The following EVC2 variants were observed in gnomAD, a reference collection of about 807,000 sequenced individuals.
The protein encoded by EVC2 is limbin.
In EVC2, 148 loss-of-function variants were observed where a neutral mutation model predicts 149.3. The observed-to-expected ratio is 0.99, with a 90% CI of 0.87 to 1.14. The LOEUF (loss-of-function observed/expected upper bound fraction) is 1.14. Ranked by LOEUF, EVC2 falls within the 50% of genes most tolerant of loss-of-function variation. The pLI, the probability that EVC2 is intolerant of heterozygous loss-of-function variation, is 0.00. For synonymous variants in EVC2, 776 were observed against 649.9 expected, an observed-to-expected ratio of 1.19 and a Z score of -2.95; for missense variants, 1,854 against 1,627.3, an observed-to-expected ratio of 1.14 and a Z score of -2.40.
intron 12 of EVC2, among the ~76,000 whole-genome samples, chr4:5,626,157 C>G (rs895038433): frequency 6.6e-6 from 1 of 152,092 alleles, no homozygotes; most frequent in Non-Finnish European, 1.5e-5. Flanking sequence ...AAGAAAGTAA[C>G]ATTCGAGAGG....
intron 16 of EVC2, among the ~76,000 whole-genome samples, chr4:5,596,044 T>C (rs1167883805): frequency 6.6e-6 from 1 of 152,178 alleles, no homozygotes; most frequent in Non-Finnish European, 1.5e-5. Context: ...ATGCACCCAA[T>C]ACTGGAGCAC....
chr4:5,705,540 ATT>A (rs144005066), intron 1 of EVC2, among the ~76,000 whole-genome samples: 7 of 151,504 alleles, frequency 4.6e-5, no homozygotes, highest in Admixed American at 2.0e-4. Flanking sequence ...CATAAATAGC[ATT>A]TTTTTTTGAA....
chr4:5,652,780 C>G (rs1191414019), intron 9 of EVC2, among the ~76,000 whole-genome samples: 5 of 152,114 alleles, frequency 3.3e-5, no homozygotes, highest in Non-Finnish European at 1.5e-5. Flanking sequence ...TCAGAATGAC[C>G]AGAATGATTT....
intron 9 of EVC2, among the ~76,000 whole-genome samples, chr4:5,658,899 A>G (rs1033513336): frequency 3.3e-5 from 5 of 152,176 alleles, no homozygotes; most frequent in Admixed American, 6.5e-5. Context: ...TGCCCCTAGA[A>G]GCTTCCAGGA....
At chr4:5,707,154 T>C (rs549071899) in intron 1 of EVC2, among the ~76,000 whole-genome samples, 1 of 152,242 alleles carries the variant, frequency 6.6e-6, no homozygotes, top group African/African-American at 2.4e-5. Flanking sequence ...TTTTGTCACC[T>C]GCAAAACGGG....
intron 21 of EVC2, among the ~76,000 whole-genome samples, chr4:5,553,886 G>T (rs1173943396): frequency 6.6e-6 from 1 of 152,032 alleles, no homozygotes; most frequent in Non-Finnish European, 1.5e-5. Context: ...AAATCCCCAG[G>T]CATGCAAAGA....
intron 14 of EVC2, among the ~76,000 whole-genome samples, chr4:5,621,398 T>G (rs1013252392): frequency 6.6e-6 from 1 of 152,260 alleles, no homozygotes; most frequent in South Asian, 2.1e-4. Context: ...TTTTGTGGTC[T>G]TCATTTTACA....
intron 17 of EVC2, among the ~76,000 whole-genome samples, chr4:5,579,211 G>A (rs748652653): frequency 3.3e-5 from 5 of 152,150 alleles, no homozygotes; most frequent in African/African-American, 4.8e-5. Flanking sequence ...ATTGAGTTTA[G>A]GACAGGAACA....
intron 1 of EVC2, among the ~76,000 whole-genome samples, chr4:5,705,380 C>G (rs1722067721): frequency 6.6e-6 from 1 of 152,154 alleles, no homozygotes; most frequent in Admixed American, 6.5e-5. Context: ...GACTCCTTTA[C>G]ACATTTTCCA....
intron 8 of EVC2, 96 bp from the exon 9 acceptor site, chr4:5,663,342 G>C: frequency 6.4e-7 from 1 of 1,554,076 alleles, no homozygotes; most frequent in Non-Finnish European, 8.8e-7. Context: ...TCTGCAGTCT[G>C]AGCACCCAAT....
At position 5,657,855 on chromosome 4, in the gene EVC2, G is replaced by C. The variant is rs1157563404; in HGVS notation, c.1145+5252C>G. 6.6e-6 allele frequency among the ~76,000 whole-genome samples: 1 copy of C among 152,030 alleles called. No homozygotes were observed. Among genetic ancestry groups the C allele is most frequent in the African/African-American group, 2.4e-5 (1 of 41,390 alleles). The stretch of plus-strand genomic sequence containing the variant: ...GTAGGGAAGGCCCCTCACTGGCTCT[G>C]ATGACTCTTCAATCTCTGTGCCCTC... On this transcript the variant is annotated intron_variant, in intron 9 of 21. Transcript: ENST00000344408. This position sits in a 1 kb window ranked among gnomAD's most constrained non-coding sequence, Gnocchi z 4.7.
chr4:5,622,935 C>T lies in EVC2; in HGVS notation c.2103G>A (p.Glu701=). ...ASVGEAFRTV[E]DAGQYLHQKR... The stretch of plus-strand genomic sequence containing the variant: ...TCTGGTGCAGGTACTGGCCGGCATC[C>T]TCAACCGTTCGGAAGGCCTCGCCGA... The change falls in exon 14 of 22, where the codon GAG becomes GAA. Residue 701 remains glutamate, a synonymous_variant. Coordinates refer to ENST00000344408, the MANE Select transcript of EVC2 (RefSeq NM_147127.5). This position sits in a 1 kb window ranked among gnomAD's most constrained non-coding sequence, Gnocchi z 5.8. The T allele has an allele frequency of 6.2e-7, 1 of 1,614,148 alleles. No individual in the cohort carries two copies. The highest frequency in any genetic ancestry group is 8.5e-7 in the Non-Finnish European group (1 of 1,180,022).
Position 5,696,682 on chromosome 4 carries a change from A to G in EVC2, c.283+911T>C, listed in dbSNP as rs374055684. Reference sequence around the variant, plus strand: ...GGCTGAGAGGGAAGGAGAAAGGCAGAGCCGTAGGAGCATTGAGAACCTTGT... The same window carrying G: ...GGCTGAGAGGGAAGGAGAAAGGCAGGGCCGTAGGAGCATTGAGAACCTTGT... On this transcript the variant is annotated intron_variant, in intron 2 of 21. Transcript: ENST00000344408. This position sits in a 1 kb window ranked among gnomAD's most constrained non-coding sequence, Gnocchi z 4.1. 6.6e-6 allele frequency among the ~76,000 whole-genome samples: 1 copy of G among 152,196 alleles called. No homozygotes were observed. Among genetic ancestry groups the G allele is most frequent in the African/African-American group, 2.4e-5 (1 of 41,462 alleles).
intron 16 of EVC2, among the ~76,000 whole-genome samples, chr4:5,586,401 T>C (rs1712281501): frequency 6.6e-6 from 1 of 152,112 alleles, no homozygotes; most frequent in Non-Finnish European, 1.5e-5. Flanking sequence ...AAAATAAAAT[T>C]CTAAGCCCCC....
chr4:5,698,463 A>G (rs920415647), intron 1 of EVC2, among the ~76,000 whole-genome samples: 2 of 152,122 alleles, frequency 1.3e-5, no homozygotes, highest in Non-Finnish European at 2.9e-5. Context: ...AGTGACCTCA[A>G]AGCCTCCTCC....
rs768485445 is a variant in EVC2 at position 5,622,523 on chromosome 4, G to A, written c.2501+14C>T. 14 of 1,611,988 alleles carry A rather than the reference G, an allele frequency of 8.7e-6. No individual in the cohort carries two copies. Among genetic ancestry groups the A allele is most frequent in the South Asian group, 4.4e-5 (4 of 90,532 alleles). On this transcript the variant is annotated intron_variant, in intron 14 of 21. Transcript: ENST00000344408. This position sits in a 1 kb window ranked among gnomAD's most constrained non-coding sequence, Gnocchi z 5.8. ...GGATGGGGAGGGGTGATTACGACCC[G>A]CAAAGGCACTCACATGAAGATCAGG...
At chr4:5,582,474 A>T (rs990851533) in intron 17 of EVC2, among the ~76,000 whole-genome samples, 6 of 152,170 alleles carry the variant, frequency 3.9e-5, no homozygotes. Flanking sequence ...TCCTTTTTGG[A>T]ACAGGAATAT....
rs765197478 is a variant in EVC2 at position 5,622,965 on chromosome 4, C to T, written c.2073G>A (p.Ala691=). ...QKHREQRREQ[A]SVGEAFRTVE... is the part of the protein sequence containing the mutation. ...CCGTTCGGAAGGCCTCGCCGACGGACGCCTGCTCCCTACGCTGCTCCCTGT... is the reference window on the plus strand; with the variant it reads ...CCGTTCGGAAGGCCTCGCCGACGGATGCCTGCTCCCTACGCTGCTCCCTGT... Residue 691 remains alanine, a synonymous_variant, in exon 14 of 22, where the codon GCG becomes GCA. Coordinates refer to ENST00000344408, the MANE Select transcript of EVC2 (RefSeq NM_147127.5). This position sits in a 1 kb window ranked among gnomAD's most constrained non-coding sequence, Gnocchi z 5.8. The T allele has an allele frequency of 7.4e-6, 12 of 1,613,960 alleles. No homozygotes were observed. The highest frequency in any genetic ancestry group is 1.7e-5 in the Admixed American group (1 of 60,004).
intron 10 of EVC2, among the ~76,000 whole-genome samples, chr4:5,635,683 T>C (rs1716848010): frequency 6.6e-6 from 1 of 152,206 alleles, no homozygotes; most frequent in Non-Finnish European, 1.5e-5. Context: ...AAATGTTTTA[T>C]AAAAACAAAT....
Sources: allele counts gnomAD v4.1 joint callset (sites outside exome capture counted in the v4.1 genomes callset), GRCh38; gene constraint gnomAD v4.1.1; non-coding constraint Gnocchi (gnomAD v3.1); transcripts MANE v1.5; gene names NCBI Gene and HGNC (gene_info 2026-07-23, HGNC 2026-07-21).